Variants in KANSL1 observed in about 807,000 individuals in gnomAD.
The protein encoded by KANSL1 is KAT8 regulatory NSL complex subunit 1, also known as MLL1/MLL complex subunit KANSL1.
A neutral mutation model predicts 103.6 loss-of-function variants in KANSL1; 22 were observed. The ratio of observed to expected loss-of-function variants is 0.21; its 90% confidence interval spans 0.15 to 0.30. KANSL1 has a LOEUF of 0.30. KANSL1 is among the 10% of genes least tolerant of loss of function. The pLI is 1.00. For missense variants in KANSL1, 1,337 were observed against 1,399.8 expected (o/e 0.96, Z 0.72); for synonymous variants, 600 against 527.6 (o/e 1.14, Z -1.88).
At chr17:46,054,957 TCTC>T (rs1282770509) in intron 6 of KANSL1, among the ~76,000 whole-genome samples, 1 of 151,388 alleles carries the variant, frequency 6.6e-6, no homozygotes, top group Non-Finnish European at 1.5e-5. Flanking sequence ...TTCATGCCAT[TCTC>T]CTATCTCAGC....
chr17:46,154,233 T>C (rs1360099727), intron 2 of KANSL1, among the ~76,000 whole-genome samples: 1 of 152,234 alleles, frequency 6.6e-6, no homozygotes, highest in African/African-American at 2.4e-5. Flanking sequence ...ATGCTTAAAT[T>C]ATACGTTACT....
At chr17:46,200,065 A>ACACACACACC (rs760204883) in intron 1 of KANSL1, among the ~76,000 whole-genome samples, 2 of 151,188 alleles carry the variant, frequency 1.3e-5, no homozygotes, top group Non-Finnish European at 2.9e-5. Context: ...ACACACACAC[A>ACACACACACC]CCCTGATTAT....
At chr17:46,137,028 G>C (rs1379804969) in intron 2 of KANSL1, among the ~76,000 whole-genome samples, 2 of 152,196 alleles carry the variant, frequency 1.3e-5, no homozygotes, top group Non-Finnish European at 2.9e-5. Context: ...ACATGTTTCT[G>C]CTGTTCTTTG....
chr17:46,160,908 G>A (rs1018581623), intron 2 of KANSL1, among the ~76,000 whole-genome samples: 1 of 152,154 alleles, frequency 6.6e-6, no homozygotes, highest in African/African-American at 2.4e-5. Context: ...CTTATTAGCT[G>A]TTTGACATTA....
chr17:46,096,311 C>CTGTTTTTTTTTTTTTTTTTTTTTTTTTT (rs2042066191), intron 2 of KANSL1, among the ~76,000 whole-genome samples: 1 of 76,408 alleles, frequency 1.3e-5, no homozygotes, highest in East Asian at 4.8e-4. Flanking sequence ...GCTTTTTTTT[C>CTGTTTTTTTTTTTTTTTTTTTTTTTTTT]TTTTTTTTTT....
At chr17:46,187,156 C>T (rs1032890478) in intron 1 of KANSL1, among the ~76,000 whole-genome samples, 4 of 152,200 alleles carry the variant, frequency 2.6e-5, no homozygotes, top group Admixed American at 2.0e-4. Flanking sequence ...GTCACAAAGG[C>T]CAAATAACAA....
chr17:46,129,743 T>C (rs1289159672), intron 2 of KANSL1, among the ~76,000 whole-genome samples: 2 of 152,214 alleles, frequency 1.3e-5, no homozygotes, highest in Non-Finnish European at 2.9e-5. Flanking sequence ...TTCTGTGCTT[T>C]TGAATAAGAT....
intron 7 of KANSL1, chr17:46,049,275 T>C (rs980915002): frequency 3.5e-5 from 5 of 142,498 alleles, no homozygotes; most frequent in Non-Finnish European, 6.0e-5. Context: ...TGAGACAGTC[T>C]TGCTCTGTCG....
At chr17:46,176,229 T>C (rs1006859354) in intron 1 of KANSL1, among the ~76,000 whole-genome samples, 6 of 152,222 alleles carry the variant, frequency 3.9e-5, no homozygotes, top group African/African-American at 7.2e-5. Context: ...GCTTTATGAC[T>C]TACATAAAAC....
At chr17:46,121,567 T>C (rs1175933609) in intron 2 of KANSL1, among the ~76,000 whole-genome samples, 2 of 151,916 alleles carry the variant, frequency 1.3e-5, no homozygotes, top group Non-Finnish European at 2.9e-5. Flanking sequence ...TATCACTGCA[T>C]TGTTTTCCCC....
chr17:46,164,728 G>A (rs1264201188), intron 2 of KANSL1, among the ~76,000 whole-genome samples: 4 of 152,230 alleles, frequency 2.6e-5, no homozygotes, highest in Non-Finnish European at 4.4e-5. Flanking sequence ...AAAAAATGGT[G>A]ATGAGAATAG....
chr17:46,224,860 G>A (rs1215896163), upstream of KANSL1: 1 of 151,536 alleles, frequency 6.6e-6, no homozygotes, highest in Non-Finnish European at 1.5e-5. Flanking sequence ...TGTTAGGGAG[G>A]GCAGAGCGCG....
intron 2 of KANSL1, among the ~76,000 whole-genome samples, chr17:46,161,943 G>C (rs2045764417): frequency 6.6e-6 from 1 of 152,128 alleles, no homozygotes; most frequent in Non-Finnish European, 1.5e-5. Context: ...ACTTTCATCA[G>C]GCTTAAAATA....
chr17:46,166,339 C>G (rs1161765182), intron 2 of KANSL1, among the ~76,000 whole-genome samples: 1 of 152,126 alleles, frequency 6.6e-6, no homozygotes, highest in Non-Finnish European at 1.5e-5. Context: ...TGGCAAAACC[C>G]TGCCTCTACT....
chr17:46,146,021 T>C (rs1918796), intron 2 of KANSL1, among the ~76,000 whole-genome samples: 21,954 of 152,232 alleles, frequency 0.14, 2,134 homozygotes, highest in Middle Eastern at 0.22. Context: ...TGAGCCACCG[T>C]GCCAGCCCAT....
intron 2 of KANSL1, among the ~76,000 whole-genome samples, chr17:46,111,021 T>C (rs890589629): frequency 1.1e-4 from 16 of 152,244 alleles, no homozygotes; most frequent in African/African-American, 3.6e-4. Flanking sequence ...GAACATGTCA[T>C]ATTCCTGGTT....
intron 2 of KANSL1, among the ~76,000 whole-genome samples, chr17:46,161,301 T>A (rs1346218960): frequency 6.9e-6 from 1 of 145,502 alleles, no homozygotes; most frequent in African/African-American, 2.6e-5. Flanking sequence ...CCGGGTGTGG[T>A]GGCAGACGCC....
chr17:46,134,996 C>T (rs117913167), intron 2 of KANSL1, among the ~76,000 whole-genome samples: 16,375 of 151,918 alleles, frequency 0.11, 1,234 homozygotes, highest in Non-Finnish European at 0.16. Flanking sequence ...ATGACATCTT[C>T]CAATAATGAA....
At chr17:46,060,442 T>C (rs2078116640) in intron 6 of KANSL1, among the ~76,000 whole-genome samples, 2 of 152,234 alleles carry the variant, frequency 1.3e-5, no homozygotes, top group Admixed American at 6.5e-5. Context: ...ATGTGTTTTA[T>C]AATGTATATA....
Sources: allele counts gnomAD v4.1 joint callset (sites outside exome capture counted in the v4.1 genomes callset), GRCh38; gene constraint gnomAD v4.1.1; transcripts MANE v1.5; gene names NCBI Gene and HGNC (gene_info 2026-07-23, HGNC 2026-07-21).